The following CELA3B variants were observed in gnomAD, a reference collection of about 807,000 sequenced individuals.
The protein encoded by CELA3B is chymotrypsin like elastase 3B.
In CELA3B, 34 loss-of-function variants were observed where a neutral mutation model predicts 37.2. The observed-to-expected ratio is 0.91, with a 90% CI of 0.70 to 1.22. The LOEUF (loss-of-function observed/expected upper bound fraction) is 1.22, where lower values mean the gene tolerates loss of function less well. Among genes scored for constraint, CELA3B ranks in the 50% most tolerant of loss-of-function variants. The pLI is 0.00. For missense variants in CELA3B, 340 were observed against 363.1 expected, an observed-to-expected ratio of 0.94 and a Z score of 0.52; for synonymous variants, 127 against 143.5, an observed-to-expected ratio of 0.89 and a Z score of 0.82.
intron 6 of CELA3B, 118 bp from the exon 7 acceptor site, chr1:21,986,413 G>T (rs146698313): frequency 8.6e-6 from 11 of 1,278,230 alleles, no homozygotes; most frequent in Non-Finnish European, 1.1e-5. Flanking sequence ...AAAAATGAGC[G>T]AGCTAAGGCT....
chr1:21,983,917 C>A, intron 5 of CELA3B, 87 bp downstream of exon 5: 1 of 1,405,008 alleles, frequency 7.1e-7, no homozygotes, highest in Non-Finnish European at 9.7e-7. Context: ...ACACCAAGAC[C>A]AGACCTTGTA....
intron 7 of CELA3B, chr1:21,988,069 G>A (rs1318230128): frequency 4.0e-5 from 6 of 149,360 alleles, no homozygotes; most frequent in African/African-American, 1.2e-4. Flanking sequence ...AAAATTAGCC[G>A]GGCGTATTGG....
intron 4 of CELA3B, among the ~76,000 whole-genome samples, chr1:21,995,144 C>CTT (rs764836069): frequency 1.3e-4 from 11 of 84,940 alleles, no homozygotes; most frequent in South Asian, 3.8e-4. Flanking sequence ...TCTTTTCTTT[C>CTT]TTTTTTTTTT....
chr1:21,984,051 A>G, intron 5 of CELA3B, 138 bp from the exon 6 acceptor site: 1 of 1,274,302 alleles, frequency 7.8e-7, no homozygotes, highest in Non-Finnish European at 1.1e-6. Flanking sequence ...TGGTGCACAA[A>G]GCATGCAGGA....
In CELA3B at chr1:21,980,755, T is replaced by C. The variant is rs1378517261; in HGVS notation, c.130-69T>C. On this transcript the variant is annotated intron_variant, in intron 2 of 7. Transcript: ENST00000337107. ...CTAGAGTTGCACAGTGCACAACCTA[T>C]ACAGCCATTGGTGGCAACTCTCATG... is the stretch of plus-strand genomic sequence containing the variant. The C allele has an allele frequency of 6.4e-6, 7 of 1,100,702 alleles. No homozygotes were observed. In the East Asian group the frequency reaches 1.2e-4, roughly 19 times the overall value. The allele number at this position is 1,100,702 out of a possible 1,614,324, so 68.2% of individuals were successfully genotyped here.
At chr1:21,995,111 C>G (rs887268225) in intron 4 of CELA3B, among the ~76,000 whole-genome samples, 1 of 148,524 alleles carries the variant, frequency 6.7e-6, no homozygotes, top group Admixed American at 6.7e-5. Context: ...TGGTGGCTGT[C>G]CCCAATATTG....
intron 4 of CELA3B, among the ~76,000 whole-genome samples, chr1:21,995,668 A>G (rs1343713274): frequency 2.7e-5 from 4 of 150,298 alleles, no homozygotes; most frequent in Non-Finnish European, 4.4e-5. Context: ...AGATTGGTGT[A>G]AAAGCGTAAT....
intron 7 of CELA3B, among the ~76,000 whole-genome samples, chr1:21,988,647 T>G (rs1644854035): frequency 6.8e-6 from 1 of 147,840 alleles, no homozygotes; most frequent in Non-Finnish European, 1.5e-5. Flanking sequence ...ATCCCACCAC[T>G]TTGGGAGGCT....
In CELA3B at chr1:21,977,079, G is replaced by T; in HGVS notation, c.40G>T (p.Val14Phe). Residue 14 changes from valine (V) to phenylalanine (F), a missense_variant, in exon 1 of 8, where the codon GTT becomes TTT. Transcript: ENST00000337107. ...RLLSSLLLVAVASGYGPPSSR... is the reference protein window; with the variant it reads ...RLLSSLLLVAFASGYGPPSSR... ...GCTCAGTTCCCTCCTCCTTGTGGCC[G>T]TTGGTAAGACCCCAACCTGTGTGTG... 6.2e-7 allele frequency: 1 copy of T among 1,614,146 alleles called. No individual in the cohort carries two copies. Among genetic ancestry groups the T allele is most frequent in the Non-Finnish European group, 8.5e-7 (1 of 1,180,036 alleles).
intron 1 of CELA3B, 137 bp downstream of exon 1, chr1:21,977,219 T>C (rs1163862473): frequency 6.8e-6 from 9 of 1,320,960 alleles, no homozygotes; most frequent in Non-Finnish European, 9.8e-6. Flanking sequence ...CCCGGGGGCA[T>C]GACTGTGGGG....
At chr1:21,981,677 GT>G (rs888515611) in intron 4 of CELA3B, among the ~76,000 whole-genome samples, 5 of 151,960 alleles carry the variant, frequency 3.3e-5, no homozygotes, top group Admixed American at 3.3e-4. Flanking sequence ...CTCCCGGGTG[GT>G]TGTGAAGGCC....
At chr1:21,995,734 CTG>C (rs1393292941) in intron 4 of CELA3B, among the ~76,000 whole-genome samples, 1 of 148,040 alleles carries the variant, frequency 6.8e-6, no homozygotes, top group African/African-American at 2.6e-5. Context: ...GTATCACAAA[CTG>C]GGTGGCTTAA....
chr1:21,980,747 A>G, intron 2 of CELA3B, 77 bp from the exon 3 acceptor site: 1 of 1,031,938 alleles, frequency 9.7e-7, no homozygotes, highest in Non-Finnish European at 1.5e-6. Context: ...TGCACAGTGC[A>G]CAACCTATAC....
intron 4 of CELA3B, among the ~76,000 whole-genome samples, chr1:21,997,951 A>G (rs1205300751): frequency 1.3e-5 from 2 of 151,342 alleles, no homozygotes; most frequent in East Asian, 3.9e-4. Context: ...GACTGTTGAG[A>G]GGGAAACAGT....
chr1:21,983,282 G>A (rs1453391800), intron 4 of CELA3B, among the ~76,000 whole-genome samples: 4 of 152,086 alleles, frequency 2.6e-5, no homozygotes, highest in Non-Finnish European at 1.5e-5. Context: ...TTGAACCCAG[G>A]AGGCAGAGGT....
In CELA3B at chr1:21,984,311, G is replaced by T. The variant is rs148689940; in HGVS notation, c.622G>T (p.Asp208Tyr). 343 of 1,613,862 alleles carry T rather than the reference G, an allele frequency of 2.1e-4. No homozygotes were observed. The highest frequency in any genetic ancestry group is 3.6e-4 in the South Asian group (33 of 91,038). The change falls in exon 6 of 8, where the codon GAC (aspartate) becomes TAC (tyrosine). Residue 208 changes from aspartate to tyrosine, a missense_variant. Physicochemically the swap from Asp to Tyr is radical, Grantham distance 160. Coordinates refer to ENST00000337107, the MANE Select transcript of CELA3B (RefSeq NM_007352.4). ...VKKTMVCAGG[D>Y]IRSGCNGDSG... ...GAAGACCATGGTGTGTGCTGGAGGG[G>T]ACATCCGCTCCGGCTGCAATGTGAG... is the stretch of plus-strand genomic sequence containing the variant.
Position 21,980,922 on chromosome 1 carries a change from G to C in CELA3B, c.227+1G>C, listed in dbSNP as rs768571087. The C allele has an allele frequency of 2.5e-6, 4 of 1,613,760 alleles. No homozygotes were observed. Among genetic ancestry groups the C allele is most frequent in the South Asian group, 1.1e-5 (1 of 91,044 alleles). Reference sequence around the variant, plus strand: ...TTGTGACTGCCGGCCACTGCATCTCGTGAGTTCTCTACCCTGTCCCTGCCT... The same window carrying C: ...TTGTGACTGCCGGCCACTGCATCTCCTGAGTTCTCTACCCTGTCCCTGCCT... On this transcript the variant is annotated splice_donor_variant, in intron 3 of 7. Coordinates refer to ENST00000337107, the MANE Select transcript of CELA3B (RefSeq NM_007352.4). LOFTEE classifies it high-confidence loss of function.
At chr1:21,991,868 C>A (rs1644870108), downstream of CELA3B, among the ~76,000 whole-genome samples, 1 of 150,904 alleles carries the variant, frequency 6.6e-6, no homozygotes, top group African/African-American at 2.5e-5. Context: ...GCCTGTCATC[C>A]CAGCACTTTG....
At chr1:21,980,449 C>T (rs1222903769) in intron 2 of CELA3B, among the ~76,000 whole-genome samples, 1 of 152,116 alleles carries the variant, frequency 6.6e-6, no homozygotes, top group Non-Finnish European at 1.5e-5. Context: ...CATTGCACTC[C>T]AGCCTGGGGA....
Sources: gnomAD v4.1 joint callset for allele counts (sites outside exome capture counted in the v4.1 genomes callset) on GRCh38, gnomAD v4.1.1 for gene constraint, MANE v1.5 for transcripts, NCBI Gene and HGNC (gene_info 2026-07-23, HGNC 2026-07-21) for gene names.